ADAM22: variants seen among roughly 807,000 people sequenced by gnomAD.
ADAM22 encodes the protein disintegrin and metalloproteinase domain-containing protein 22.
ADAM22 carries 65 observed loss-of-function variants against 144.6 expected under a neutral mutation model. The ratio of observed to expected loss-of-function variants is 0.45; its 90% CI spans 0.37 to 0.55. ADAM22 has a LOEUF of 0.55. Among genes scored for constraint, ADAM22 ranks in the 20% least tolerant of loss-of-function variants. ADAM22 has a pLI of 0.00. For missense variants in ADAM22, 974 were observed against 1,184.9 expected, an observed-to-expected ratio of 0.82 and a Z score of 2.61; for synonymous variants, 391 against 412.6, an observed-to-expected ratio of 0.95 and a Z score of 0.63.
At chr7:87,945,275 A>G in intron 2 of ADAM22, among the ~76,000 whole-genome samples, 1 of 152,148 alleles carries the variant, frequency 6.6e-6, no homozygotes, top group East Asian at 1.9e-4. Flanking sequence ...CTAAGTTAGA[A>G]TTTGGAAAAT....
chr7:88,012,038 C>CTTTTTTTTTTT (rs35274305), intron 3 of ADAM22, among the ~76,000 whole-genome samples: 1 of 137,882 alleles, frequency 7.3e-6, no homozygotes, highest in Non-Finnish European at 1.6e-5. Flanking sequence ...GTTTTTTTTT[C>CTTTTTTTTTTT]TTTTTTTTTT....
intron 3 of ADAM22, among the ~76,000 whole-genome samples, chr7:87,989,674 G>C (rs1454937855): frequency 6.6e-6 from 1 of 152,204 alleles, no homozygotes; most frequent in African/African-American, 2.4e-5. Context: ...CCAGCACTTT[G>C]GGAGGCCAAA....
intron 4 of ADAM22, among the ~76,000 whole-genome samples, chr7:88,083,467 A>G (rs986204477): frequency 9.2e-5 from 14 of 151,952 alleles, no homozygotes; most frequent in African/African-American, 3.1e-4. Context: ...GTTCCCATGT[A>G]CCCTAAAACT....
chr7:88,086,050 C>T (rs1818375908), intron 4 of ADAM22, among the ~76,000 whole-genome samples: 3 of 152,114 alleles, frequency 2.0e-5, no homozygotes, highest in African/African-American at 7.2e-5. Context: ...GTGGCATGCA[C>T]CTGTAATCCC....
intron 7 of ADAM22, among the ~76,000 whole-genome samples, chr7:88,124,808 G>A (rs1449599742): frequency 6.6e-6 from 1 of 151,832 alleles, no homozygotes; most frequent in East Asian, 1.9e-4. Flanking sequence ...TCAGCTTCTT[G>A]GTCACAAATT....
At chr7:88,148,290 TTAAC>T (rs781706052) in intron 17 of ADAM22, among the ~76,000 whole-genome samples, 6 of 152,088 alleles carry the variant, frequency 3.9e-5, no homozygotes, top group Non-Finnish European at 7.4e-5. Context: ...GGGAAGTACT[TTAAC>T]TATATATCTC....
chr7:88,042,126 A>G (rs777177172), intron 3 of ADAM22, among the ~76,000 whole-genome samples: 2 of 151,998 alleles, frequency 1.3e-5, no homozygotes, highest in Non-Finnish European at 2.9e-5. Flanking sequence ...TCTCCAATCT[A>G]AGAAGAAAGT....
intron 4 of ADAM22, among the ~76,000 whole-genome samples, chr7:88,090,185 A>G (rs1165819168): frequency 6.6e-6 from 1 of 152,124 alleles, no homozygotes. Context: ...TCCTTGCTGC[A>G]CTTGCTGGGA....
At chr7:87,958,370 T>A (rs1348415769) in intron 2 of ADAM22, among the ~76,000 whole-genome samples, 3 of 152,026 alleles carry the variant, frequency 2.0e-5, no homozygotes, top group Non-Finnish European at 4.4e-5. Flanking sequence ...TTTAAAGTTT[T>A]TTTAAATTTT....
At chr7:87,944,992 T>A (rs962997983) in intron 2 of ADAM22, among the ~76,000 whole-genome samples, 1 of 68,394 alleles carries the variant, frequency 1.5e-5, no homozygotes, top group Non-Finnish European at 2.5e-5. Flanking sequence ...TTCTTGTCTT[T>A]CACCTCTTTC....
chr7:87,995,125 A>G (rs1282094909), intron 3 of ADAM22, among the ~76,000 whole-genome samples: 2 of 152,184 alleles, frequency 1.3e-5, no homozygotes, highest in East Asian at 3.8e-4. Context: ...CTGGTAACAC[A>G]TAGCTATGGA....
intron 17 of ADAM22, among the ~76,000 whole-genome samples, chr7:88,148,631 A>G (rs563734879): frequency 1.3e-5 from 2 of 152,186 alleles, no homozygotes; most frequent in Admixed American, 1.3e-4. Flanking sequence ...GAAAAGGATA[A>G]TGTGATAAAA....
chr7:88,143,146 G>A (rs1370485950), intron 15 of ADAM22, 21 bp downstream of exon 15: 1 of 1,439,412 alleles, frequency 6.9e-7, no homozygotes, highest in Admixed American at 1.8e-5. Flanking sequence ...TGGTTAATAA[G>A]GTTTATAATA....
intron 2 of ADAM22, among the ~76,000 whole-genome samples, chr7:87,953,856 T>C (rs1330677896): frequency 6.6e-6 from 1 of 152,230 alleles, no homozygotes; most frequent in Non-Finnish European, 1.5e-5. Context: ...TTTAGGATAG[T>C]TAGCTCTTCT....
intron 3 of ADAM22, among the ~76,000 whole-genome samples, chr7:88,027,709 T>A (rs1210780795): frequency 6.6e-6 from 1 of 152,194 alleles, no homozygotes; most frequent in African/African-American, 2.4e-5. Context: ...CTCTGATCTT[T>A]ATTATTTCTT....
At chr7:88,083,352 G>A (rs999219359) in intron 4 of ADAM22, among the ~76,000 whole-genome samples, 116 of 152,110 alleles carry the variant, frequency 7.6e-4, no homozygotes, top group Non-Finnish European at 5.7e-4. Flanking sequence ...GTGGGGGACT[G>A]GGGGAGGGAT....
intron 7 of ADAM22, among the ~76,000 whole-genome samples, chr7:88,122,111 G>T (rs184184138): frequency 2.6e-5 from 4 of 152,256 alleles, no homozygotes; most frequent in African/African-American, 9.6e-5. Flanking sequence ...GCTCAACTGT[G>T]GAAGGATATG....
intron 5 of ADAM22, 127 bp downstream of exon 5, chr7:88,108,385 A>ATTT: frequency 1.4e-6 from 1 of 692,684 alleles, no homozygotes; most frequent in Non-Finnish European, 2.3e-6. Flanking sequence ...GATGGATCTG[A>ATTT]TTTTTTTTTT....
chr7:88,201,981 A>G lies in ADAM22; in HGVS notation c.*5490A>G, dbSNP rs1234033486. ...GATGGCTAAGCTCTAAAATAATGCAAATAGCCCCAATCTTTAAATATAGCG... is the reference window on the plus strand; with the variant it reads ...GATGGCTAAGCTCTAAAATAATGCAGATAGCCCCAATCTTTAAATATAGCG... On this transcript the variant is annotated 3_prime_UTR_variant, in exon 32 of 32. Transcript: ENST00000413139. The G allele has an allele frequency of 2.0e-5, 3 of 152,198 alleles. No homozygotes were observed. The highest frequency in any genetic ancestry group is 1.5e-5 in the Non-Finnish European group (1 of 68,034). The allele number at this position is 152,198 out of a possible 1,614,324, so 9.4% of individuals were successfully genotyped here.
Sources: gnomAD v4.1 joint callset for allele counts (sites outside exome capture counted in the v4.1 genomes callset) on GRCh38, gnomAD v4.1.1 for gene constraint, MANE v1.5 for transcripts, NCBI Gene and HGNC (gene_info 2026-07-23, HGNC 2026-07-21) for gene names.